The following LCP2 variants were observed in gnomAD, a reference collection of about 807,000 sequenced individuals.
LCP2 encodes the protein 76 kDa tyrosine phosphoprotein.
Under a neutral mutation model 74.5 loss-of-function variants are expected in LCP2, and 29 were observed. The ratio of observed to expected loss-of-function variants is 0.39; its 90% CI spans 0.29 to 0.53. The LOEUF (loss-of-function observed/expected upper bound fraction) is 0.53, where lower values mean the gene tolerates loss of function less well. Among genes scored for constraint, LCP2 ranks in the 20% least tolerant of loss-of-function variants. LCP2 has a pLI of 0.72. For synonymous variants in LCP2, 228 were observed against 229.5 expected (o/e 0.99, Z 0.06); for missense variants, 604 against 634.6 (o/e 0.95, Z 0.52).
At chr5:170,264,735 G>T (rs972413209) in intron 10 of LCP2, among the ~76,000 whole-genome samples, 54 of 152,024 alleles carry the variant, frequency 3.6e-4, no homozygotes, top group African/African-American at 1.1e-3. Context: ...GGAGTTTGAG[G>T]CCGTAACGAG....
chr5:170,256,823 G>A lies in LCP2; in HGVS notation c.1101-248C>T, dbSNP rs1285633142. On this transcript the variant is annotated intron_variant, in intron 16 of 20. Transcript: ENST00000046794. This position sits in a 1 kb window ranked among gnomAD's most constrained non-coding sequence, Gnocchi z 4.5. ...AGCAGAACAGCAACAACATTCAACT[G>A]TGTAAAGGGCACTTAACAGTTACTT... 6.6e-6 allele frequency among the ~76,000 whole-genome samples: 1 copy of A among 152,196 alleles called. No homozygotes were observed. The highest frequency in any genetic ancestry group is 2.4e-5 in the African/African-American group (1 of 41,446).
Position 170,256,384 on chromosome 5 carries a change from A to G in LCP2, c.1150+142T>C. 1.4e-6 allele frequency: 1 copy of G among 702,074 alleles called. No individual in the cohort carries two copies. The highest frequency in any genetic ancestry group is 1.7e-5 in the South Asian group (1 of 60,548). The allele number at this position is 702,074 out of a possible 1,614,324, so 43.5% of individuals were successfully genotyped here. A position where few individuals can be genotyped will look rare whatever the true frequency, so the allele number is the denominator to read the frequency against. On this transcript the variant is annotated intron_variant, in intron 17 of 20. Coordinates refer to ENST00000046794, the MANE Select transcript of LCP2 (RefSeq NM_005565.5). The surrounding 1 kb of genome is among the most constrained non-coding windows in gnomAD (Gnocchi z 4.5). ...TCCGACAGCCCTTGGCACACTGCAGACACGGAATTAAATGTTGAATGAGGA... is the reference window on the plus strand; with the variant it reads ...TCCGACAGCCCTTGGCACACTGCAGGCACGGAATTAAATGTTGAATGAGGA...
chr5:170,289,420 G>A (rs1444932705), intron 2 of LCP2, among the ~76,000 whole-genome samples: 2 of 152,132 alleles, frequency 1.3e-5, no homozygotes, highest in Non-Finnish European at 2.9e-5. Flanking sequence ...ACAGAGGCTG[G>A]GGCTAGGGCA....
At chr5:170,281,338 GCC>G (rs1215445775) in intron 3 of LCP2, among the ~76,000 whole-genome samples, 1 of 151,844 alleles carries the variant, frequency 6.6e-6, no homozygotes, top group African/African-American at 2.4e-5. Flanking sequence ...GGAGTGCAGT[GCC>G]ACGATCTTGG....
At chr5:170,272,534 A>G (rs1289610749) in intron 6 of LCP2, among the ~76,000 whole-genome samples, 2 of 149,336 alleles carry the variant, frequency 1.3e-5, no homozygotes, top group Non-Finnish European at 3.0e-5. Context: ...TTATATAACT[A>G]GGAGCTTTCC....
chr5:170,272,597 CTTTTTTTTTTTTTTTTT>C (rs61463939), intron 6 of LCP2, among the ~76,000 whole-genome samples: 10 of 40,362 alleles, frequency 2.5e-4, no homozygotes, highest in African/African-American at 6.6e-4. Flanking sequence ...CAAATATTTT[CTTTTTTTTTTTTTTTTT>C]TTTTTTTTTT....
chr5:170,296,833 G>A (rs1762395913), intron 1 of LCP2, among the ~76,000 whole-genome samples: 2 of 152,184 alleles, frequency 1.3e-5, no homozygotes, highest in African/African-American at 4.8e-5. Flanking sequence ...AGTTTTCATA[G>A]CTATAAATTG....
intron 2 of LCP2, 151 bp downstream of exon 2, chr5:170,293,159 G>A: frequency 1.4e-6 from 1 of 712,984 alleles, no homozygotes; most frequent in Admixed American, 2.4e-5. Context: ...ATCCTGAAAG[G>A]TAGTGAGAGA....
At chr5:170,272,592 A>ATTTTTTTTTT (rs1761913090) in intron 6 of LCP2, among the ~76,000 whole-genome samples, 2 of 34,312 alleles carry the variant, frequency 5.8e-5, no homozygotes, top group Admixed American at 4.2e-4. Context: ...CCCATCAAAT[A>ATTTTTTTTTT]TTTTCTTTTT....
chr5:170,278,485 G>A (rs1448125625), intron 3 of LCP2, among the ~76,000 whole-genome samples: 1 of 96,434 alleles, frequency 1.0e-5, no homozygotes, highest in Admixed American at 1.0e-4. Flanking sequence ...GCTGGTGAGG[G>A]GGATGGGAGT....
At chr5:170,275,939 G>T in intron 3 of LCP2, 79 bp from the exon 4 acceptor site, 1 of 1,305,166 alleles carries the variant, frequency 7.7e-7, no homozygotes, top group Non-Finnish European at 1.1e-6. Flanking sequence ...ATATCCCCTG[G>T]TCTATAGAAA....
At chr5:170,266,960 G>A (rs372753923) in intron 9 of LCP2, 49 bp downstream of exon 9, 3 of 1,611,338 alleles carry the variant, frequency 1.9e-6, no homozygotes, top group East Asian at 2.2e-5. Context: ...GCGGGGCTAG[G>A]GGAGTGCCTG....
intron 2 of LCP2, among the ~76,000 whole-genome samples, chr5:170,291,133 G>A (rs1328608667): frequency 8.5e-6 from 1 of 118,082 alleles, no homozygotes. Flanking sequence ...GGGGAGAGGG[G>A]AGGACAAGGG....
intron 2 of LCP2, among the ~76,000 whole-genome samples, chr5:170,292,064 G>C (rs1762303317): frequency 6.6e-6 from 1 of 152,194 alleles, no homozygotes; most frequent in Non-Finnish European, 1.5e-5. Flanking sequence ...AAATGAGGTA[G>C]TTGGAAGCCT....
At chr5:170,267,527 C>A (rs1337551646) in intron 8 of LCP2, among the ~76,000 whole-genome samples, 1 of 152,110 alleles carries the variant, frequency 6.6e-6, no homozygotes, top group African/African-American at 2.4e-5. Flanking sequence ...CTAGAACGTT[C>A]TTCTCCCGGC....
chr5:170,290,956 G>GAAAGAAAGA (rs1433758198), intron 2 of LCP2, among the ~76,000 whole-genome samples: 1,058 of 21,288 alleles, frequency 0.05, 4 homozygotes, highest in South Asian at 0.076. Flanking sequence ...AGAAAGAAAA[G>GAAAGAAAGA]AAAGAAAGAA....
chr5:170,282,515 G>C (rs1178707667), intron 3 of LCP2, among the ~76,000 whole-genome samples: 2 of 152,210 alleles, frequency 1.3e-5, no homozygotes, highest in East Asian at 1.9e-4. Flanking sequence ...GGGAGGCAAA[G>C]TCAGCTTTAG....
chr5:170,279,587 C>T (rs944138309), intron 3 of LCP2, among the ~76,000 whole-genome samples: 2 of 152,360 alleles, frequency 1.3e-5, no homozygotes, highest in East Asian at 3.9e-4. Context: ...CCTACCTGAA[C>T]GGACTCTCTG....
At chr5:170,285,856 C>T (rs1305434400) in intron 3 of LCP2, among the ~76,000 whole-genome samples, 1 of 152,156 alleles carries the variant, frequency 6.6e-6, no homozygotes, top group Admixed American at 6.5e-5. Context: ...CTCTCTGACA[C>T]CCGTTGAATG....
Sources: gnomAD v4.1 joint callset for allele counts (sites outside exome capture counted in the v4.1 genomes callset) on GRCh38, gnomAD v4.1.1 for gene constraint, Gnocchi (gnomAD v3.1) non-coding constraint, MANE v1.5 for transcripts, NCBI Gene and HGNC (gene_info 2026-07-23, HGNC 2026-07-21) for gene names.